FRMD4A: variants seen among roughly 807,000 people sequenced by gnomAD.
The protein encoded by FRMD4A is FERM domain containing 4A.
A neutral mutation model predicts 129.1 loss-of-function variants in FRMD4A; 29 were observed. The ratio of observed to expected loss-of-function variants is 0.22; its 90% confidence interval spans 0.17 to 0.31. The LOEUF (loss-of-function observed/expected upper bound fraction) is 0.31. Among genes scored for constraint, FRMD4A ranks in the 10% least tolerant of loss-of-function variants. The probability of loss-of-function intolerance (pLI) is 1.00; values close to 1 mark genes in which losing one functional copy is unlikely to be tolerated. For missense variants in FRMD4A, 1,272 were observed against 1,375.8 expected (o/e 0.92, Z 1.19); for synonymous variants, 634 against 571.6 (o/e 1.11, Z -1.56).
At chr10:14,310,781 C>A (rs1564456596) in intron 2 of FRMD4A, among the ~76,000 whole-genome samples, 1 of 152,192 alleles carries the variant, frequency 6.6e-6, no homozygotes, top group Admixed American at 6.5e-5. Context: ...GTAAATCAGA[C>A]ACTGCCTCCT....
intron 2 of FRMD4A, among the ~76,000 whole-genome samples, chr10:14,198,716 T>C (rs901432840): frequency 1.3e-5 from 2 of 152,228 alleles, no homozygotes; most frequent in Non-Finnish European, 2.9e-5. Flanking sequence ...ACCTTGAATT[T>C]GTCTCTTCCT....
intron 2 of FRMD4A, among the ~76,000 whole-genome samples, chr10:14,200,548 G>A (rs1842605694): frequency 6.6e-6 from 1 of 152,128 alleles, no homozygotes; most frequent in African/African-American, 2.4e-5. Flanking sequence ...TTTTGTAAAG[G>A]AAAGAGAGCT....
intron 2 of FRMD4A, among the ~76,000 whole-genome samples, chr10:14,254,289 G>A (rs756431798): frequency 2.6e-5 from 4 of 152,160 alleles, no homozygotes; most frequent in Non-Finnish European, 5.9e-5. Flanking sequence ...GGATTTCTCC[G>A]GTTCTGTATG....
At chr10:13,730,300 A>G (rs1472923085) in intron 12 of FRMD4A, among the ~76,000 whole-genome samples, 1 of 152,222 alleles carries the variant, frequency 6.6e-6, no homozygotes, top group Non-Finnish European at 1.5e-5. Flanking sequence ...CCGATTCTGC[A>G]AGATTTAATA....
chr10:14,224,948 T>C (rs1843387239), intron 2 of FRMD4A, among the ~76,000 whole-genome samples: 2 of 152,254 alleles, frequency 1.3e-5, no homozygotes, highest in Non-Finnish European at 2.9e-5. Context: ...AGAAATACAA[T>C]GGCAAATCTT....
At chr10:14,275,757 G>A (rs1845317313) in intron 2 of FRMD4A, among the ~76,000 whole-genome samples, 1 of 152,178 alleles carries the variant, frequency 6.6e-6, no homozygotes. Flanking sequence ...AATGGTGAGT[G>A]GCCGGGAGTG....
At chr10:13,900,790 A>G (rs2094811016) in intron 2 of FRMD4A, among the ~76,000 whole-genome samples, 1 of 152,076 alleles carries the variant, frequency 6.6e-6, no homozygotes, top group African/African-American at 2.4e-5. Flanking sequence ...CCAGCTACTC[A>G]GGAGGCTGAG....
chr10:14,127,429 C>T (rs1333571755), intron 2 of FRMD4A, among the ~76,000 whole-genome samples: 1 of 152,088 alleles, frequency 6.6e-6, no homozygotes, highest in Non-Finnish European at 1.5e-5. Flanking sequence ...AGACAGGAGG[C>T]CTTGCTGTAC....
intron 5 of FRMD4A, 25 bp from the exon 6 acceptor site, chr10:13,783,031 A>C: frequency 1.2e-6 from 1 of 864,426 alleles, no homozygotes; most frequent in Non-Finnish European, 2.0e-6. Flanking sequence ...TGGTGCGTGA[A>C]CCACAGAAAC....
chr10:14,199,745 ATATT>A (rs950238143), intron 2 of FRMD4A, among the ~76,000 whole-genome samples: 8 of 151,792 alleles, frequency 5.3e-5, no homozygotes, highest in African/African-American at 1.2e-4. Flanking sequence ...TTATCTCATC[ATATT>A]TAGTTTTAAT....
intron 2 of FRMD4A, among the ~76,000 whole-genome samples, chr10:14,009,750 T>A (rs191230157): frequency 6.6e-6 from 1 of 152,130 alleles, no homozygotes; most frequent in African/African-American, 2.4e-5. Flanking sequence ...TATACAACAA[T>A]TGGGCTTTGT....
rs986392332 is a variant in FRMD4A at position 13,659,611 on chromosome 10, G to A, written c.1899-121C>T. On this transcript the variant is annotated intron_variant, in intron 20 of 24. Transcript: ENST00000357447. ...AAAGCTCGCCCGTGACTCCCACCTC[G>A]CTTGGTCAGACCTCTACTGTGGTTC... 14 of 969,400 alleles carry A rather than the reference G, an allele frequency of 1.4e-5. 1 individual carries two copies. The highest frequency in any genetic ancestry group is 8.9e-5 in the Admixed American group (4 of 45,176). The allele number at this position is 969,400 out of a possible 1,614,324, so 60.0% of individuals were successfully genotyped here.
At chr10:14,030,052 G>T (rs1042295260) in intron 2 of FRMD4A, among the ~76,000 whole-genome samples, 1 of 152,174 alleles carries the variant, frequency 6.6e-6, no homozygotes, top group Non-Finnish European at 1.5e-5. Context: ...GGCTAAAATA[G>T]CCAGACTCAC....
In FRMD4A at chr10:14,160,939, G is replaced by A. The variant is rs117223930; in HGVS notation, c.45+169119C>T. On this transcript the variant is annotated intron_variant, in intron 2 of 24. Transcript: ENST00000357447. ...GAACGTAGATTAGTACAGCCATTATGGAAAACTGCATGAAGATTTTTTTTT... is the reference window on the plus strand; with the variant it reads ...GAACGTAGATTAGTACAGCCATTATAGAAAACTGCATGAAGATTTTTTTTT... 2.3e-3 allele frequency among the ~76,000 whole-genome samples: 349 copies of A among 152,212 alleles called. 2 individuals are homozygous for A. Among genetic ancestry groups the A allele is most frequent in the South Asian group, 0.011 (54 of 4,824 alleles).
In FRMD4A at chr10:13,738,001, C is replaced by T. The variant is rs548180281; in HGVS notation, c.673-71G>A. ...TAAACACACGCAAAGTGGAGATTTC[C>T]TGGCTCAGGGGCAGACGAGGGAAAG... On this transcript the variant is annotated intron_variant, in intron 11 of 24. Coordinates refer to ENST00000357447, the MANE Select transcript of FRMD4A (RefSeq NM_018027.5). 1.2e-4 allele frequency: 103 copies of T among 870,008 alleles called. No homozygotes were observed. The African/African-American group carries it at 1.5e-3, about 13-fold the overall frequency. The allele number at this position is 870,008 out of a possible 1,614,324, so 53.9% of individuals were successfully genotyped here.
At chr10:14,129,407 TAA>T (rs56914092) in intron 2 of FRMD4A, among the ~76,000 whole-genome samples, 6,079 of 112,140 alleles carry the variant, frequency 0.054, 481 homozygotes, top group African/African-American at 0.14. Context: ...TATATATATA[TAA>T]AAAATATGAG....
At chr10:14,147,315 T>C (rs1840122609) in intron 2 of FRMD4A, among the ~76,000 whole-genome samples, 1 of 152,104 alleles carries the variant, frequency 6.6e-6, no homozygotes, top group South Asian at 2.1e-4. Context: ...CCAAATGGTA[T>C]CTGCAGGCCA....
chr10:13,776,861 A>C (rs2092608200), intron 6 of FRMD4A, among the ~76,000 whole-genome samples: 1 of 152,208 alleles, frequency 6.6e-6, no homozygotes, highest in South Asian at 2.1e-4. Context: ...AAGGTCCCCA[A>C]AGCACCAGGG....
chr10:14,274,185 G>A (rs2132050681), intron 2 of FRMD4A, among the ~76,000 whole-genome samples: 1 of 152,338 alleles, frequency 6.6e-6, no homozygotes, highest in East Asian at 1.9e-4. Flanking sequence ...GTGCCAGGCA[G>A]GCCGCCACTG....
Sources: allele counts gnomAD v4.1 joint callset (sites outside exome capture counted in the v4.1 genomes callset), GRCh38; gene constraint gnomAD v4.1.1; transcripts MANE v1.5; gene names NCBI Gene and HGNC (gene_info 2026-07-23, HGNC 2026-07-21).